The following DLGAP2 variants were observed in gnomAD, a reference collection of about 807,000 sequenced individuals.
DLGAP2 encodes DLG associated protein 2.
DLGAP2 carries 26 observed loss-of-function variants against 100.3 expected under a neutral mutation model. That is an observed-to-expected ratio of 0.26 (90% CI 0.19 to 0.36). The LOEUF (loss-of-function observed/expected upper bound fraction) is 0.36. Among genes scored for constraint, DLGAP2 ranks in the 10% least tolerant of loss-of-function variants. The pLI, the probability that DLGAP2 is intolerant of heterozygous loss-of-function variation, is 1.00. For missense variants in DLGAP2, 1,858 were observed against 1,453.2 expected (o/e 1.28, Z -4.53); for synonymous variants, 886 against 630.1 (o/e 1.41, Z -6.08).
At chr8:1,233,938 A>T (rs1346387436) in intron 2 of DLGAP2, among the ~76,000 whole-genome samples, 1 of 152,202 alleles carries the variant, frequency 6.6e-6, no homozygotes, top group Non-Finnish European at 1.5e-5. Context: ...AAAAGGACTT[A>T]AGGTGTCCTA....
At chr8:746,704 C>G (rs1393553659) in intron 1 of DLGAP2, among the ~76,000 whole-genome samples, 3 of 152,240 alleles carry the variant, frequency 2.0e-5, no homozygotes, top group Non-Finnish European at 2.9e-5. Flanking sequence ...TATCAGCATA[C>G]TTTTGGCTGC....
chr8:916,571 G>A lies in DLGAP2; in HGVS notation c.73+8605G>A, dbSNP rs1006584279. On this transcript the variant is annotated intron_variant, in intron 2 of 14. Transcript: ENST00000637795. ...TACCTAATGTAAATGATGAGTTAAT[G>A]GGTGCAGCACACCAACATGGCACAT... is the stretch of plus-strand genomic sequence containing the variant. 3.9e-5 allele frequency among the ~76,000 whole-genome samples: 6 copies of A among 152,256 alleles called. No homozygotes were observed. In the South Asian group the frequency reaches 1.2e-3, roughly 32 times the overall value.
intron 1 of DLGAP2, chr8:739,177 T>G (rs1314634876): frequency 6.6e-6 from 1 of 152,142 alleles, no homozygotes; most frequent in African/African-American, 2.4e-5. Context: ...CTGTAAATAT[T>G]CTCCAAAGCG....
chr8:1,107,159 C>T (rs1804801511), intron 2 of DLGAP2, among the ~76,000 whole-genome samples: 1 of 152,176 alleles, frequency 6.6e-6, no homozygotes, highest in Non-Finnish European at 1.5e-5. Flanking sequence ...CTTAAAGCAC[C>T]ACAAAGTGGA....
At chr8:1,320,535 A>T (rs186712254) in intron 3 of DLGAP2, among the ~76,000 whole-genome samples, 1 of 152,292 alleles carries the variant, frequency 6.6e-6, no homozygotes, top group East Asian at 1.9e-4. Flanking sequence ...CGTGGGTCCC[A>T]CGTGATGTGA....
At chr8:1,284,983 G>C (rs1010068428) in intron 3 of DLGAP2, among the ~76,000 whole-genome samples, 3 of 152,160 alleles carry the variant, frequency 2.0e-5, no homozygotes, top group Non-Finnish European at 4.4e-5. Flanking sequence ...GCAAATGCCA[G>C]GTTCTTGGCT....
At chr8:1,673,878 G>A (rs1798748790) in intron 10 of DLGAP2, among the ~76,000 whole-genome samples, 3 of 152,298 alleles carry the variant, frequency 2.0e-5, no homozygotes, top group South Asian at 4.1e-4. Flanking sequence ...GAGGAAGGAA[G>A]GAAAACTTCC....
chr8:1,059,332 C>G (rs1382966831), intron 2 of DLGAP2, among the ~76,000 whole-genome samples: 1 of 117,200 alleles, frequency 8.5e-6, no homozygotes, highest in Admixed American at 8.9e-5. Flanking sequence ...TCCCTGCCTT[C>G]TCCGTGGAGA....
intron 1 of DLGAP2, among the ~76,000 whole-genome samples, chr8:847,229 T>C (rs1335442027): frequency 2.0e-5 from 3 of 152,224 alleles, no homozygotes; most frequent in African/African-American, 7.2e-5. Context: ...TTTTCTGAAC[T>C]TTTCCATATT....
At chr8:759,456 T>C (rs571268269) in intron 1 of DLGAP2, among the ~76,000 whole-genome samples, 1 of 150,666 alleles carries the variant, frequency 6.6e-6, no homozygotes, top group Admixed American at 6.6e-5. Context: ...GGGACGGGTA[T>C]GCACAGGTGT....
intron 1 of DLGAP2, among the ~76,000 whole-genome samples, chr8:795,074 T>A (rs1050582581): frequency 2.6e-5 from 4 of 152,142 alleles, no homozygotes; most frequent in African/African-American, 9.7e-5. Flanking sequence ...CAGAACACTG[T>A]TTAGATACCT....
chr8:1,604,110 C>T (rs1796718152), intron 6 of DLGAP2, among the ~76,000 whole-genome samples: 1 of 152,122 alleles, frequency 6.6e-6, no homozygotes, highest in Non-Finnish European at 1.5e-5. Context: ...GATGAATGAC[C>T]CTTCTTCATT....
intron 3 of DLGAP2, among the ~76,000 whole-genome samples, chr8:1,352,081 A>AG (rs1801743892): frequency 1.5e-5 from 1 of 67,878 alleles, no homozygotes; most frequent in African/African-American, 4.9e-5. Context: ...GCGGGTCCTG[A>AG]CTGTGTGTGG....
At chr8:744,123 T>A (rs1820555124) in intron 1 of DLGAP2, among the ~76,000 whole-genome samples, 1 of 152,226 alleles carries the variant, frequency 6.6e-6, no homozygotes, top group Admixed American at 6.5e-5. Context: ...CGTGGTTCTC[T>A]CAGACCCAGC....
Position 1,565,865 on chromosome 8 carries a change from C to G in DLGAP2, c.1413C>G (p.Ile471Met). The G allele has an allele frequency of 6.2e-7, 1 of 1,610,760 alleles. No homozygotes were observed. Among genetic ancestry groups the G allele is most frequent in the East Asian group, 2.2e-5 (1 of 44,694 alleles). ...AILPEPLLKS[I>M]GQRPLGEHQT... ...TACCAGAGCCGCTGCTGAAGTCCATCGGACAGAGACCGCTTGGAGAGCACC... is the reference window on the plus strand; with the variant it reads ...TACCAGAGCCGCTGCTGAAGTCCATGGGACAGAGACCGCTTGGAGAGCACC... Residue 471 changes from isoleucine to methionine, a missense_variant, in exon 6 of 15, where the codon ATC (isoleucine) becomes ATG (methionine). Coordinates refer to ENST00000637795, the MANE Select transcript of DLGAP2 (RefSeq NM_001346810.2).
At chr8:884,729 G>T (rs1252450138) in intron 1 of DLGAP2, among the ~76,000 whole-genome samples, 1 of 152,132 alleles carries the variant, frequency 6.6e-6, no homozygotes, top group Non-Finnish European at 1.5e-5. Flanking sequence ...GAATGGTGTT[G>T]CCTAGGTTTT....
At chr8:1,443,646 T>C (rs1454140512) in intron 3 of DLGAP2, among the ~76,000 whole-genome samples, 2 of 152,174 alleles carry the variant, frequency 1.3e-5, no homozygotes, top group East Asian at 1.9e-4. Context: ...AGCAGCAAAG[T>C]CACATCTTAC....
chr8:1,104,567 G>A (rs1341009019), intron 2 of DLGAP2, among the ~76,000 whole-genome samples: 7 of 152,194 alleles, frequency 4.6e-5, no homozygotes, highest in Non-Finnish European at 8.8e-5. Context: ...ACAGAGGCCC[G>A]AATGGTTTCT....
At chr8:756,194 G>C (rs897934189) in intron 1 of DLGAP2, among the ~76,000 whole-genome samples, 1 of 152,128 alleles carries the variant, frequency 6.6e-6, no homozygotes, top group Non-Finnish European at 1.5e-5. Context: ...TGTCTGGGAG[G>C]AGCTGGCGTC....
Sources: allele counts gnomAD v4.1 joint callset (sites outside exome capture counted in the v4.1 genomes callset), GRCh38; gene constraint gnomAD v4.1.1; transcripts MANE v1.5; gene names NCBI Gene and HGNC (gene_info 2026-07-23, HGNC 2026-07-21).